Variants in WDR7 observed in about 807,000 individuals in gnomAD.
The protein encoded by WDR7 is WD repeat-containing protein 7.
WDR7 carries 46 observed loss-of-function variants against 169.4 expected under a neutral mutation model. That is an observed-to-expected ratio of 0.27 (90% CI 0.21 to 0.35). WDR7 has a LOEUF of 0.35. Among genes scored for constraint, WDR7 ranks in the 10% least tolerant of loss-of-function variants. The pLI is 1.00. For synonymous variants in WDR7, 612 were observed against 666.8 expected (o/e 0.92, Z 1.27); for missense variants, 1,534 against 1,859.3 (o/e 0.83, Z 3.22).
chr18:56,656,993 A>G (rs1320692718), intron 1 of WDR7, among the ~76,000 whole-genome samples: 1 of 152,154 alleles, frequency 6.6e-6, no homozygotes, highest in Non-Finnish European at 1.5e-5. Flanking sequence ...TCATATATTG[A>G]TAATCTACCT....
rs764507642 is a variant in WDR7, at chr18:56,694,692, G to T, written c.1040G>T (p.Gly347Val). ...REYFHKLLIQ[G>V]DSSGRLNIWN... is the part of the protein sequence containing the mutation. ...TATTTCCATAAACTGTTAATTCAGG[G>T]TGATTCTTCTGGAAGGTTGAATATT... Residue 347 changes from glycine (G) to valine (V), a missense_variant, in exon 10 of 28, where the codon GGT becomes GTT. Coordinates refer to ENST00000254442, the MANE Select transcript of WDR7 (RefSeq NM_015285.3). The T allele has an allele frequency of 1.2e-6, 2 of 1,613,480 alleles. No homozygotes were observed. The highest frequency in any genetic ancestry group is 1.1e-5 in the South Asian group (1 of 91,006).
intron 21 of WDR7, among the ~76,000 whole-genome samples, chr18:56,912,639 C>G (rs747614831): frequency 2.0e-5 from 3 of 152,160 alleles, no homozygotes; most frequent in African/African-American, 7.2e-5. Flanking sequence ...ATTCTCAGCC[C>G]TTGTCTCAGG....
intron 25 of WDR7, among the ~76,000 whole-genome samples, chr18:56,959,745 C>T (rs1029443872): frequency 6.6e-6 from 1 of 152,154 alleles, no homozygotes; most frequent in Non-Finnish European, 1.5e-5. Context: ...AAAACTATAA[C>T]GGACCCTTCT....
intron 26 of WDR7, among the ~76,000 whole-genome samples, chr18:56,982,829 G>T (rs1184748639): frequency 6.6e-6 from 1 of 152,240 alleles, no homozygotes; most frequent in East Asian, 1.9e-4. Flanking sequence ...TGTAGTGTCT[G>T]AGGTTCAGCA....
rs369117472 is a variant in WDR7, at chr18:56,877,783, T to C, written c.3305-2161T>C. Among the ~76,000 whole-genome samples, 12 of 152,248 alleles carry C rather than the reference T, an allele frequency of 7.9e-5. 1 individual carries two copies. The East Asian group carries it at 1.5e-3, about 20-fold the overall frequency. ...AACATTGATATAATTATATAATAGA[T>C]ATAAAATTTGATAAGGTCAGAATTG... On this transcript the variant is annotated intron_variant, in intron 20 of 27. Coordinates refer to ENST00000254442, the MANE Select transcript of WDR7 (RefSeq NM_015285.3).
chr18:56,905,446 G>T (rs1329073349), intron 21 of WDR7, among the ~76,000 whole-genome samples: 4 of 152,160 alleles, frequency 2.6e-5, no homozygotes, highest in African/African-American at 4.8e-5. Flanking sequence ...ACTGTGCCTG[G>T]TGTGATTATA....
At chr18:56,905,623 C>CTATATA (rs10563010) in intron 21 of WDR7, among the ~76,000 whole-genome samples, 77 of 147,052 alleles carry the variant, frequency 5.2e-4, no homozygotes, top group African/African-American at 1.8e-3. Flanking sequence ...TATTATGAAA[C>CTATATA]TATATATATA....
chr18:57,005,289 A>T (rs929873627), intron 26 of WDR7, among the ~76,000 whole-genome samples: 6 of 152,162 alleles, frequency 3.9e-5, no homozygotes, highest in Non-Finnish European at 8.8e-5. Context: ...TTCCTTTTTT[A>T]AAAAAAGCAG....
chr18:56,759,385 CTTTTT>C (rs1388646803), intron 16 of WDR7, among the ~76,000 whole-genome samples: 1 of 152,062 alleles, frequency 6.6e-6, no homozygotes, highest in Non-Finnish European at 1.5e-5. Flanking sequence ...TTAAGCTATT[CTTTTT>C]ATCTTTTCTT....
chr18:56,844,452 G>A (rs1011250462), intron 20 of WDR7, among the ~76,000 whole-genome samples: 1 of 152,030 alleles, frequency 6.6e-6, no homozygotes, highest in Non-Finnish European at 1.5e-5. Context: ...TGTTTATTGT[G>A]TTACACCCTA....
intron 13 of WDR7, among the ~76,000 whole-genome samples, chr18:56,719,979 G>A (rs532294470): frequency 1.3e-5 from 2 of 152,254 alleles, no homozygotes; most frequent in African/African-American, 4.8e-5. Context: ...GTGTATACAT[G>A]CATGTGTATC....
intron 9 of WDR7, among the ~76,000 whole-genome samples, chr18:56,693,626 C>T (rs1001423000): frequency 1.2e-4 from 15 of 120,540 alleles, no homozygotes; most frequent in Non-Finnish European, 1.6e-5. Flanking sequence ...GGCTGGAGTG[C>T]AGTGGTGTGA....
intron 12 of WDR7, among the ~76,000 whole-genome samples, chr18:56,701,963 A>C (rs1469862065): frequency 2.0e-5 from 3 of 152,210 alleles, no homozygotes; most frequent in Non-Finnish European, 4.4e-5. Flanking sequence ...CAAAATTTAC[A>C]CAACACAGCG....
At chr18:56,880,202 C>T in intron 21 of WDR7, 37 bp downstream of exon 21, 1 of 1,577,620 alleles carries the variant, frequency 6.3e-7, no homozygotes, top group Non-Finnish European at 8.7e-7. Context: ...TCTGTTGCTT[C>T]TGAATACATA....
chr18:56,901,991 CT>C (rs1184953612), intron 21 of WDR7, among the ~76,000 whole-genome samples: 1 of 152,104 alleles, frequency 6.6e-6, no homozygotes, highest in Non-Finnish European at 1.5e-5. Flanking sequence ...ATTCTTCAGA[CT>C]TTTAAGTGCT....
intron 12 of WDR7, among the ~76,000 whole-genome samples, chr18:56,703,920 A>T (rs1043109371): frequency 1.3e-5 from 2 of 152,148 alleles, no homozygotes; most frequent in African/African-American, 4.8e-5. Context: ...TGCTATAAAA[A>T]AGGGCATATT....
chr18:56,662,533 T>C (rs1415974646), intron 1 of WDR7, among the ~76,000 whole-genome samples: 3 of 152,220 alleles, frequency 2.0e-5, no homozygotes, highest in Non-Finnish European at 4.4e-5. Flanking sequence ...GAAGGTAGCA[T>C]TGTTGCTCAT....
intron 12 of WDR7, among the ~76,000 whole-genome samples, chr18:56,716,566 TA>T (rs929605035): frequency 4.6e-5 from 7 of 152,298 alleles, no homozygotes; most frequent in African/African-American, 1.7e-4. Context: ...AAAATAAAGC[TA>T]AATCATGGTG....
chr18:56,904,074 A>ATTTTT (rs11372701), intron 21 of WDR7, among the ~76,000 whole-genome samples: 1 of 148,158 alleles, frequency 6.7e-6, no homozygotes, highest in African/African-American at 2.5e-5. Flanking sequence ...GCTCAAAATA[A>ATTTTT]TTTTTTTTTT....
Sources: gnomAD v4.1 joint callset for allele counts (sites outside exome capture counted in the v4.1 genomes callset) on GRCh38, gnomAD v4.1.1 for gene constraint, MANE v1.5 for transcripts, NCBI Gene and HGNC (gene_info 2026-07-23, HGNC 2026-07-21) for gene names.